TRAP1: variants seen among roughly 807,000 people sequenced by gnomAD.
The protein encoded by TRAP1 is heat shock protein 75 kDa, mitochondrial.
Under a neutral mutation model 89.1 loss-of-function variants are expected in TRAP1, and 102 were observed. The ratio of observed to expected loss-of-function variants is 1.15; its 90% CI spans 0.98 to 1.35. The LOEUF is 1.35. Ranked by LOEUF, TRAP1 falls within the 40% of genes most tolerant of loss-of-function variation. The pLI is 0.00. For missense variants in TRAP1, 1,256 were observed against 945.3 expected (o/e 1.33, Z -4.31); for synonymous variants, 508 against 388.0 (o/e 1.31, Z -3.64).
chr16:3,688,299 C>T (rs1354600942), intron 3 of TRAP1, among the ~76,000 whole-genome samples: 1 of 152,004 alleles, frequency 6.6e-6, no homozygotes, highest in Non-Finnish European at 1.5e-5. Flanking sequence ...CCGCACCTGG[C>T]CCCAAATGCG....
At chr16:3,700,974 T>C (rs13335243) in intron 1 of TRAP1, among the ~76,000 whole-genome samples, 5,306 of 152,246 alleles carry the variant, frequency 0.035, 295 homozygotes, top group African/African-American at 0.12. Flanking sequence ...TATTTACTCT[T>C]ACATTAACAG....
chr16:3,706,576 C>T (rs1363632501), intron 1 of TRAP1, among the ~76,000 whole-genome samples: 1 of 151,210 alleles, frequency 6.6e-6, no homozygotes, highest in African/African-American at 2.4e-5. Context: ...TCTCCCACCT[C>T]AGCCTCCCAA....
At chr16:3,716,463 G>C (rs1265468120) in intron 1 of TRAP1, among the ~76,000 whole-genome samples, 3 of 152,104 alleles carry the variant, frequency 2.0e-5, no homozygotes, top group Admixed American at 6.6e-5. Context: ...CCACTAATAG[G>C]ACAATGTTTA....
intron 1 of TRAP1, among the ~76,000 whole-genome samples, chr16:3,711,424 C>G (rs956609316): frequency 6.6e-6 from 1 of 152,058 alleles, no homozygotes; most frequent in Non-Finnish European, 1.5e-5. Context: ...CATGGTGAAA[C>G]TCTACCTCAA....
At chr16:3,676,591 T>C (rs1017680331) in intron 6 of TRAP1, 2 of 154,830 alleles carry the variant, frequency 1.3e-5, no homozygotes, top group Non-Finnish European at 2.9e-5. Context: ...GGCAGGGCCA[T>C]GTTGATGCCT....
At chr16:3,675,743 C>A (rs1245784051) in intron 7 of TRAP1, among the ~76,000 whole-genome samples, 1 of 152,210 alleles carries the variant, frequency 6.6e-6, no homozygotes, top group African/African-American at 2.4e-5. Flanking sequence ...ACGCCCACAT[C>A]CTGGGACAGG....
At chr16:3,658,950 T>TAA in intron 16 of TRAP1, 85 bp from the exon 17 acceptor site, 1 of 1,394,036 alleles carries the variant, frequency 7.2e-7, no homozygotes, top group Middle Eastern at 1.8e-4. Context: ...TCAGGATATT[T>TAA]AAAGAAGCAC....
intron 12 of TRAP1, 21 bp from the exon 13 acceptor site, chr16:3,664,480 C>A (rs749557962): frequency 5.6e-6 from 9 of 1,597,230 alleles, no homozygotes; most frequent in Admixed American, 1.8e-5. Flanking sequence ...CGGGGCAGGT[C>A]ACCACTTATT....
In TRAP1 at chr16:3,670,774, G is replaced by C. The variant is rs1452777527; in HGVS notation, c.1235+948C>G. 3.3e-5 allele frequency among the ~76,000 whole-genome samples: 5 copies of C among 152,320 alleles called. No individual in the cohort carries two copies. The East Asian group carries it at 7.7e-4, about 23-fold the overall frequency. On this transcript the variant is annotated intron_variant, in intron 11 of 17. Coordinates refer to ENST00000246957, the MANE Select transcript of TRAP1 (RefSeq NM_016292.3). ...AAAATCTCCATGGCTTTCTGCCTCTGAAGGTGAGGCAGGAGGATATCACCG... is the reference window on the plus strand; with the variant it reads ...AAAATCTCCATGGCTTTCTGCCTCTCAAGGTGAGGCAGGAGGATATCACCG...
At chr16:3,710,872 TATATATA>T (rs1567248319) in intron 1 of TRAP1, among the ~76,000 whole-genome samples, 1 of 114,674 alleles carries the variant, frequency 8.7e-6, no homozygotes, top group African/African-American at 4.0e-5. Context: ...TATATATATA[TATATATA>T]TTTTTTTTTT....
At chr16:3,662,250 C>CT in intron 15 of TRAP1, 118 bp from the exon 16 acceptor site, 1 of 1,247,914 alleles carries the variant, frequency 8.0e-7, no homozygotes, top group South Asian at 1.5e-5. Flanking sequence ...GTCTCAAGGA[C>CT]TCCCCTGGAC....
intron 4 of TRAP1, among the ~76,000 whole-genome samples, chr16:3,685,494 C>T (rs1002988865): frequency 2.0e-5 from 3 of 152,006 alleles, no homozygotes; most frequent in African/African-American, 4.8e-5. Context: ...CCCGCAATGA[C>T]GCCGTGACCC....
At chr16:3,661,719 C>A (rs887834317) in intron 16 of TRAP1, 1 of 388,904 alleles carries the variant, frequency 2.6e-6, no homozygotes, top group South Asian at 1.1e-4. Flanking sequence ...AGGACACGCA[C>A]AGGTGGCAAA....
At chr16:3,677,923 T>C in intron 5 of TRAP1, 1 of 420,186 alleles carries the variant, frequency 2.4e-6, no homozygotes, top group Non-Finnish European at 4.3e-6. Context: ...CCCAGACAGG[T>C]GGAGGCCTGT....
chr16:3,709,292 C>T (rs1596757020), intron 1 of TRAP1, among the ~76,000 whole-genome samples: 1 of 142,398 alleles, frequency 7.0e-6, no homozygotes, highest in South Asian at 2.2e-4. Flanking sequence ...TTCACAAAAA[C>T]AAGAAACATC....
At chr16:3,662,781 C>T in intron 15 of TRAP1, 101 bp downstream of exon 15, 1 of 1,113,126 alleles carries the variant, frequency 9.0e-7, no homozygotes, top group Non-Finnish European at 1.4e-6. Context: ...TCTGCTGCTG[C>T]TGGAAGGACA....
At chr16:3,664,543 GC>G in intron 12 of TRAP1, 84 bp from the exon 13 acceptor site, 1 of 1,417,910 alleles carries the variant, frequency 7.1e-7, no homozygotes, top group Non-Finnish European at 9.5e-7. Context: ...ACCCTCCGAT[GC>G]CCATGGCCTC....
At chr16:3,663,015 C>G in intron 14 of TRAP1, 48 bp from the exon 15 acceptor site, 1 of 1,494,464 alleles carries the variant, frequency 6.7e-7, no homozygotes, top group Non-Finnish European at 9.0e-7. Flanking sequence ...TCCCAACTCC[C>G]CGGCTTCCAT....
chr16:3,705,134 G>A (rs916834438), intron 1 of TRAP1, among the ~76,000 whole-genome samples: 2 of 152,060 alleles, frequency 1.3e-5, no homozygotes, highest in African/African-American at 2.4e-5. Context: ...GAGCCATCTG[G>A]GCTCACTGTA....
Sources: gnomAD v4.1 joint callset for allele counts (sites outside exome capture counted in the v4.1 genomes callset) on GRCh38, gnomAD v4.1.1 for gene constraint, MANE v1.5 for transcripts, NCBI Gene and HGNC (gene_info 2026-07-23, HGNC 2026-07-21) for gene names.